Variants in HEMK1 observed in about 807,000 individuals in gnomAD.
The protein encoded by HEMK1 is HemK methyltransferase 1, mitochondrial release factors N(5)-glutamine.
In HEMK1, 36 loss-of-function variants were observed where a neutral mutation model predicts 47.9. The ratio of observed to expected loss-of-function variants is 0.75; its 90% confidence interval spans 0.58 to 0.99. HEMK1 has a LOEUF of 0.99. HEMK1 is among the 50% of genes least tolerant of loss of function. The probability of loss-of-function intolerance (pLI) is 0.00; values close to 1 mark genes in which losing one functional copy is unlikely to be tolerated. For missense variants in HEMK1, 383 were observed against 434.5 expected (o/e 0.88, Z 1.05); for synonymous variants, 153 against 165.4 (o/e 0.93, Z 0.57).
At chr3:50,579,805 C>T in intron 8 of HEMK1, 39 bp from the exon 9 acceptor site, 1 of 1,486,536 alleles carries the variant, frequency 6.7e-7, no homozygotes, top group Non-Finnish European at 9.3e-7. Context: ...TCAGATACCC[C>T]TTTCTCAGGC....
chr3:50,593,183 T>C lies in HEMK1; in HGVS notation c.*12766T>C, dbSNP rs2031810388. On this transcript the variant is annotated 3_prime_UTR_variant, in exon 11 of 11. Coordinates refer to ENST00000232854, the MANE Select transcript of HEMK1 (RefSeq NM_016173.5). ...TCTCACCACCCACTCCCACTCCCGA[T>C]GGGAGCCTCAGGCCTGGCTTAGGAA... 1 of 152,316 alleles carries C rather than the reference T, an allele frequency of 6.6e-6. No individual in the cohort carries two copies. Among genetic ancestry groups the C allele is most frequent in the Non-Finnish European group, 1.5e-5 (1 of 68,162 alleles). The allele number at this position is 152,316 out of a possible 1,614,324, so 9.4% of individuals were successfully genotyped here. A position where few individuals can be genotyped will look rare whatever the true frequency, so the allele number is the denominator to read the frequency against.
At chr3:50,580,003 G>C in intron 9 of HEMK1, 64 bp downstream of exon 9, 1 of 1,537,592 alleles carries the variant, frequency 6.5e-7, no homozygotes, top group Non-Finnish European at 9.0e-7. Context: ...AATGTGTACT[G>C]GGCAGGCCCT....
intron 5 of HEMK1, 28 bp from the exon 6 acceptor site, chr3:50,577,481 A>G: frequency 6.2e-7 from 1 of 1,610,638 alleles, no homozygotes. Context: ...ATTGCCTTCC[A>G]CATATCCTCT....
At position 50,589,122 on chromosome 3, in the gene HEMK1, T is replaced by A. The variant is rs2031577470; in HGVS notation, c.*8705T>A. On this transcript the variant is annotated 3_prime_UTR_variant, in exon 11 of 11. Coordinates refer to ENST00000232854, the MANE Select transcript of HEMK1 (RefSeq NM_016173.5). Reference sequence around the variant, plus strand: ...GCGAAGAGCAATGAACACAAATGTTTGAACTGGGGGCTGGGATGGTAGTTG... The same window carrying A: ...GCGAAGAGCAATGAACACAAATGTTAGAACTGGGGGCTGGGATGGTAGTTG... The A allele has an allele frequency of 6.6e-6, 1 of 152,282 alleles. No homozygotes were observed. The highest frequency in any genetic ancestry group is 1.5e-5 in the Non-Finnish European group (1 of 68,046). 9.4% of individuals were successfully genotyped at this position (152,282 alleles called of 1,614,324 possible). A position where few individuals can be genotyped will look rare whatever the true frequency, so the allele number is the denominator to read the frequency against.
Position 50,577,954 on chromosome 3 carries a change from T to C in HEMK1, c.664+79T>C, listed in dbSNP as rs536333645. The C allele has an allele frequency of 2.4e-5, 32 of 1,309,326 alleles. No individual in the cohort carries two copies. The East Asian group carries it at 6.5e-4, about 26-fold the overall frequency. 81.1% of individuals were successfully genotyped at this position (1,309,326 alleles called of 1,614,324 possible). On this transcript the variant is annotated intron_variant, in intron 7 of 10. Transcript: ENST00000232854. ...GGGTGGATGAGGCACTCCGTGGAGA[T>C]GGAGGGAGAGCTCCCCCAACAGCCA... is the stretch of plus-strand genomic sequence containing the variant.
In HEMK1 at chr3:50,595,764, C is replaced by G. The variant is rs914485857; in HGVS notation, c.*15347C>G. On this transcript the variant is annotated 3_prime_UTR_variant, in exon 11 of 11. Transcript: ENST00000232854. ...TTGGATGCTTGTCTCAGAGTGGTTTCTGCAGGAAAAAACCCAAGATAGAGA... is the reference window on the plus strand; with the variant it reads ...TTGGATGCTTGTCTCAGAGTGGTTTGTGCAGGAAAAAACCCAAGATAGAGA... 4 of 152,118 alleles carry G rather than the reference C, an allele frequency of 2.6e-5. No homozygotes were observed. Among genetic ancestry groups the G allele is most frequent in the Non-Finnish European group, 5.9e-5 (4 of 68,022 alleles). 9.4% of individuals were successfully genotyped at this position (152,118 alleles called of 1,614,324 possible).
rs2107503628 is a variant in HEMK1 at position 50,580,541 on chromosome 3, C to T, written c.*124C>T. On this transcript the variant is annotated 3_prime_UTR_variant, in exon 11 of 11. Transcript: ENST00000232854. ...GGTTCTGTGATTTCCCCATGCTCTG[C>T]ATTTCTAGGATATTTCTAGGACACC... The T allele has an allele frequency of 1.0e-6, 1 of 969,686 alleles. No individual in the cohort carries two copies. Among genetic ancestry groups the T allele is most frequent in the East Asian group, 2.6e-5 (1 of 38,306 alleles). 60.1% of individuals were successfully genotyped at this position (969,686 alleles called of 1,614,324 possible). A position where few individuals can be genotyped will look rare whatever the true frequency, so the allele number is the denominator to read the frequency against.
In HEMK1 at chr3:50,579,908, G is replaced by A. The variant is rs758577204; in HGVS notation, c.835G>A (p.Ala279Thr). The change falls in exon 9 of 11, where the codon GCC becomes ACC. Residue 279 changes from alanine to threonine, a missense_variant. Ala to Thr is a moderately conservative substitution (Grantham distance 58, BLOSUM62 0). Coordinates refer to ENST00000232854, the MANE Select transcript of HEMK1 (RefSeq NM_016173.5). Reference protein sequence around the residue: ...EGMDIITHILALAPRLLKDSG... With the variant: ...EGMDIITHILTLAPRLLKDSG... The stretch of plus-strand genomic sequence containing the variant: ...CATGGACATCATTACCCACATTCTG[G>A]CCTTGGCACCCCGGCTCCTGAAAGA... The A allele has an allele frequency of 6.2e-7, 1 of 1,614,016 alleles. No homozygotes were observed. The highest frequency in any genetic ancestry group is 8.5e-7 in the Non-Finnish European group (1 of 1,179,956).
At position 50,594,666 on chromosome 3, in the gene HEMK1, C is replaced by T. The variant is rs1394681013; in HGVS notation, c.*14249C>T. The T allele has an allele frequency of 6.6e-6, 1 of 152,300 alleles. No individual in the cohort carries two copies. Among genetic ancestry groups the T allele is most frequent in the East Asian group, 1.9e-4 (1 of 5,192 alleles). The allele number at this position is 152,300 out of a possible 1,614,324, so 9.4% of individuals were successfully genotyped here. The stretch of plus-strand genomic sequence containing the variant: ...CCTGAGAGCTAATCCCCTGGAGCAG[C>T]CTGAAACCAAGGAAGACAGAGAGTT... On this transcript the variant is annotated 3_prime_UTR_variant, in exon 11 of 11. Transcript: ENST00000232854.
chr3:50,577,071 T>G lies in HEMK1; in HGVS notation c.434T>G (p.Leu145Arg). 4 of 1,613,994 alleles carry G rather than the reference T, an allele frequency of 2.5e-6. No individual in the cohort carries two copies. Among genetic ancestry groups the G allele is most frequent in the Non-Finnish European group, 3.4e-6 (4 of 1,179,962 alleles). The change falls in exon 5 of 11, where the codon CTG becomes CGG. Residue 145 changes from leucine to arginine, a missense_variant. Leu to Arg is a moderately radical substitution (Grantham distance 102). Coordinates refer to ENST00000232854, the MANE Select transcript of HEMK1 (RefSeq NM_016173.5). ...TCACAGGAACTGGTTGAGTGGGTGC[T>G]GGAAGAGGTGGCCCAGAGGTCCCAT... is the stretch of plus-strand genomic sequence containing the variant. ...PETEELVEWV[L>R]EEVAQRSHAV...
chr3:50,580,058 C>T (rs1263817571), intron 9 of HEMK1, 58 bp from the exon 10 acceptor site: 15 of 1,554,444 alleles, frequency 9.6e-6, no homozygotes, highest in Non-Finnish European at 1.2e-5. Flanking sequence ...CCCAAGCAGC[C>T]CAGAAGGGCA....
At chr3:50,569,298 C>T (rs1700611553), upstream of HEMK1, 1 of 152,390 alleles carries the variant, frequency 6.6e-6, no homozygotes, top group Admixed American at 6.5e-5. Flanking sequence ...GGGTCAACCC[C>T]ACACACATCC....
At chr3:50,572,289 G>A (rs1701087792) in intron 4 of HEMK1, 81 bp downstream of exon 4, 3 of 1,522,404 alleles carry the variant, frequency 2.0e-6, no homozygotes, top group Non-Finnish European at 2.7e-6. Flanking sequence ...CTTCCTCCAG[G>A]GGGCACTGGG....
In HEMK1 at chr3:50,571,273, A is replaced by G. The variant is rs750624882; in HGVS notation, c.169A>G (p.Ile57Val). Residue 57 changes from isoleucine (I) to valine (V), a missense_variant, in exon 2 of 11, where the codon ATC becomes GTC. Coordinates refer to ENST00000232854, the MANE Select transcript of HEMK1 (RefSeq NM_016173.5). ...GACTGGGGTCTTTGAGAAGAGGGGT[A>G]TCCCTGAGGCCCGGGAATCCAGTGA... ...HWTGVFEKRG[I>V]PEARESSEYI... The G allele has an allele frequency of 2.5e-6, 4 of 1,613,070 alleles. No homozygotes were observed. Among genetic ancestry groups the G allele is most frequent in the Non-Finnish European group, 1.7e-6 (2 of 1,179,498 alleles).
In HEMK1 at chr3:50,589,257, G is replaced by C. The variant is rs2031583739; in HGVS notation, c.*8840G>C. 1 of 152,188 alleles carries C rather than the reference G, an allele frequency of 6.6e-6. No individual in the cohort carries two copies. The highest frequency in any genetic ancestry group is 6.5e-5 in the Admixed American group (1 of 15,288). The allele number at this position is 152,188 out of a possible 1,614,324, so 9.4% of individuals were successfully genotyped here. A position where few individuals can be genotyped will look rare whatever the true frequency, so the allele number is the denominator to read the frequency against. On this transcript the variant is annotated 3_prime_UTR_variant, in exon 11 of 11. Transcript: ENST00000232854. ...ATAATTGTTTACAAATGCTAGCACT[G>C]TGTCTGAAGCCCACCTTGCAGTCTC...
intron 2 of HEMK1, 143 bp from the exon 3 acceptor site, chr3:50,571,567 G>A: frequency 1.2e-6 from 1 of 817,036 alleles, no homozygotes; most frequent in Non-Finnish European, 2.1e-6. Context: ...GTAACCTTAG[G>A]CAGGATGCTG....
chr3:50,579,835 G>A lies in HEMK1; in HGVS notation c.771-9G>A, dbSNP rs1415475657. 6.2e-7 allele frequency: 1 copy of A among 1,607,834 alleles called. No homozygotes were observed. Among genetic ancestry groups the A allele is most frequent in the Admixed American group, 1.7e-5 (1 of 59,676 alleles). The stretch of plus-strand genomic sequence containing the variant: ...TCAGGCTGTCACCTCCCACTGCTTT[G>A]CCTTTCAGCTATGAAGACCCCGCGG... On this transcript the variant is annotated splice_polypyrimidine_tract_variant and intron_variant, in intron 8 of 10. Transcript: ENST00000232854.
At chr3:50,572,630 T>C (rs189232681) in intron 4 of HEMK1, among the ~76,000 whole-genome samples, 170 of 152,328 alleles carry the variant, frequency 1.1e-3, no homozygotes, top group African/African-American at 3.9e-3. Flanking sequence ...TGTGCAACCT[T>C]GGGCAGGTCA....
chr3:50,574,306 G>A (rs918608816), intron 4 of HEMK1, among the ~76,000 whole-genome samples: 6 of 152,220 alleles, frequency 3.9e-5, no homozygotes, highest in African/African-American at 1.4e-4. Context: ...GAGGAGAAGA[G>A]AAAGTTTCTG....
Sources: allele counts gnomAD v4.1 joint callset (sites outside exome capture counted in the v4.1 genomes callset), GRCh38; gene constraint gnomAD v4.1.1; transcripts MANE v1.5; gene names NCBI Gene and HGNC (gene_info 2026-07-23, HGNC 2026-07-21).